The following TTC27 variants were observed in gnomAD, a reference collection of about 807,000 sequenced individuals.
TTC27 encodes tetratricopeptide repeat protein 27.
Under a neutral mutation model 115.9 loss-of-function variants are expected in TTC27, and 79 were observed. The observed-to-expected ratio is 0.68, with a 90% CI of 0.57 to 0.82. The LOEUF (loss-of-function observed/expected upper bound fraction) is 0.82. Ranked by LOEUF, TTC27 falls within the 40% of genes least tolerant of loss-of-function variation. The probability of loss-of-function intolerance (pLI) is 0.00; values close to 1 mark genes in which losing one functional copy is unlikely to be tolerated. For synonymous variants in TTC27, 401 were observed against 356.0 expected, an observed-to-expected ratio of 1.13 and a Z score of -1.42; for missense variants, 1,054 against 993.1, an observed-to-expected ratio of 1.06 and a Z score of -0.82.
chr2:32,661,586 A>G (rs1265029839), intron 5 of TTC27, among the ~76,000 whole-genome samples: 1 of 152,164 alleles, frequency 6.6e-6, no homozygotes, highest in Non-Finnish European at 1.5e-5. Flanking sequence ...TTATTGGTGT[A>G]TAGGAATATG....
In TTC27 at chr2:32,681,080, C is replaced by CA. The variant is rs544143822; in HGVS notation, c.1119+2159dup. Among the ~76,000 whole-genome samples, 29 of 152,230 alleles carry CA rather than the reference C, an allele frequency of 1.9e-4. 1 individual carries two copies. In the South Asian group the frequency reaches 4.8e-3, roughly 25 times the overall value. ...CTGTGTGATTTTTCTGCTTTCCTCC[C>CA]ACCCTCTTACAATCAGAACCATCCT... On this transcript the variant is annotated intron_variant, in intron 9 of 19. Coordinates refer to ENST00000317907, the MANE Select transcript of TTC27 (RefSeq NM_017735.5).
intron 7 of TTC27, among the ~76,000 whole-genome samples, chr2:32,668,536 T>TCCTC (rs1196006269): frequency 1.1e-3 from 49 of 45,978 alleles, no homozygotes; most frequent in African/African-American, 1.5e-3. Context: ...TTTCTTCCCT[T>TCCTC]CCTCCCTCCC....
chr2:32,668,456 G>A (rs1225970291), intron 7 of TTC27, among the ~76,000 whole-genome samples: 1 of 150,488 alleles, frequency 6.6e-6, no homozygotes, highest in African/African-American at 2.4e-5. Flanking sequence ...GTATGAAAAT[G>A]ATGTACCATT....
intron 5 of TTC27, among the ~76,000 whole-genome samples, chr2:32,653,817 G>A (rs1412171779): frequency 6.6e-6 from 1 of 152,132 alleles, no homozygotes; most frequent in Non-Finnish European, 1.5e-5. Flanking sequence ...AAGTGTGGGT[G>A]ACATTTTGAT....
intron 10 of TTC27, among the ~76,000 whole-genome samples, chr2:32,725,073 C>T (rs896854872): frequency 6.6e-6 from 1 of 152,124 alleles, no homozygotes; most frequent in Non-Finnish European, 1.5e-5. Context: ...AAAGAGTTGC[C>T]CCACATGATT....
chr2:32,667,938 C>T (rs1314341606), intron 7 of TTC27, among the ~76,000 whole-genome samples: 1 of 151,442 alleles, frequency 6.6e-6, no homozygotes, highest in Non-Finnish European at 1.5e-5. Flanking sequence ...CCTGTAATCC[C>T]AGCACTTTGG....
intron 10 of TTC27, among the ~76,000 whole-genome samples, chr2:32,712,165 T>A (rs1439971724): frequency 6.6e-6 from 1 of 152,172 alleles, no homozygotes; most frequent in African/African-American, 2.4e-5. Flanking sequence ...ATGGCAGATT[T>A]GGAAGAGATC....
At chr2:32,718,041 T>TG (rs1452238155) in intron 10 of TTC27, among the ~76,000 whole-genome samples, 1 of 152,244 alleles carries the variant, frequency 6.6e-6, no homozygotes, top group Non-Finnish European at 1.5e-5. Flanking sequence ...CATCTCAGGC[T>TG]GGAAGGGCTT....
At chr2:32,678,309 TTTTA>T (rs1219142855) in intron 8 of TTC27, among the ~76,000 whole-genome samples, 3 of 152,058 alleles carry the variant, frequency 2.0e-5, no homozygotes, top group East Asian at 3.9e-4. Context: ...ACCAATCGCA[TTTTA>T]TTTGTCAGCA....
At position 32,652,922 on chromosome 2, in the gene TTC27, G is replaced by A. The variant is rs1002231950; in HGVS notation, c.640+2689G>A. Among the ~76,000 whole-genome samples the A allele has an allele frequency of 1.2e-4, 18 of 152,132 alleles. No individual in the cohort carries two copies. The South Asian group carries it at 1.2e-3, about 11-fold the overall frequency. On this transcript the variant is annotated intron_variant, in intron 5 of 19. Transcript: ENST00000317907. ...ATGATATTTAGGTTTTTGTCCAGGC[G>A]TGTTACACCAGTATAATACAGTGGA...
intron 7 of TTC27, among the ~76,000 whole-genome samples, chr2:32,667,269 T>G (rs1232322307): frequency 6.6e-6 from 1 of 152,106 alleles, no homozygotes; most frequent in Non-Finnish European, 1.5e-5. Flanking sequence ...CTTAGTATGT[T>G]TATTTGACAT....
Position 32,758,315 on chromosome 2 carries a change from G to T in TTC27, c.1476G>T (p.Glu492Asp). Residue 492 changes from glutamate to aspartate, a missense_variant, in exon 13 of 20, where the codon GAG (glutamate) becomes GAT (aspartate). Coordinates refer to ENST00000317907, the MANE Select transcript of TTC27 (RefSeq NM_017735.5). ...HGKAEEILRQ[E>D]LEKKETPSLY... is the part of the protein sequence containing the mutation. ...AGGCAGAAGAAATCCTTAGACAAGA[G>T]CTGGAGAAAAAAGAAACGCCTAGTT... 1 of 1,614,160 alleles carries T rather than the reference G, an allele frequency of 6.2e-7. No homozygotes were observed. The highest frequency in any genetic ancestry group is 8.5e-7 in the Non-Finnish European group (1 of 1,180,038).
At chr2:32,709,445 T>G (rs1572536643) in intron 10 of TTC27, among the ~76,000 whole-genome samples, 1 of 152,354 alleles carries the variant, frequency 6.6e-6, no homozygotes, top group Admixed American at 6.5e-5. Flanking sequence ...GTTTTCAGAC[T>G]TTGAAATATT....
At chr2:32,651,842 A>G (rs555581413) in intron 5 of TTC27, among the ~76,000 whole-genome samples, 19 of 152,372 alleles carry the variant, frequency 1.2e-4, no homozygotes, top group Non-Finnish European at 1.9e-4. Context: ...TCAAATAGAG[A>G]TAATAATGAA....
At chr2:32,804,068 T>C (rs1314268287) in intron 16 of TTC27, among the ~76,000 whole-genome samples, 1 of 150,954 alleles carries the variant, frequency 6.6e-6, no homozygotes, top group Non-Finnish European at 1.5e-5. Context: ...ATTTAGTCAA[T>C]AAACATTTGG....
At chr2:32,705,627 T>C (rs1311769989) in intron 10 of TTC27, among the ~76,000 whole-genome samples, 2 of 152,178 alleles carry the variant, frequency 1.3e-5, no homozygotes, top group Non-Finnish European at 1.5e-5. Context: ...CATTGCTCTC[T>C]GCAGCCTTTG....
At chr2:32,629,361 C>G (rs1363971170) in intron 1 of TTC27, among the ~76,000 whole-genome samples, 1 of 150,138 alleles carries the variant, frequency 6.7e-6, no homozygotes, top group African/African-American at 2.5e-5. Context: ...CTCAGGTGAT[C>G]CACCCGCCTC....
intron 16 of TTC27, among the ~76,000 whole-genome samples, chr2:32,791,165 GT>G (rs767473966): frequency 1.3e-5 from 2 of 152,092 alleles, no homozygotes; most frequent in Non-Finnish European, 2.9e-5. Context: ...CAGTTTTCCA[GT>G]TTTTGACTAT....
At chr2:32,698,643 C>G (rs958726970) in intron 9 of TTC27, among the ~76,000 whole-genome samples, 2 of 151,734 alleles carry the variant, frequency 1.3e-5, no homozygotes, top group African/African-American at 4.8e-5. Context: ...CCACGCCTGG[C>G]TAATTTTTTT....
Sources: allele counts gnomAD v4.1 joint callset (sites outside exome capture counted in the v4.1 genomes callset), GRCh38; gene constraint gnomAD v4.1.1; transcripts MANE v1.5; gene names NCBI Gene and HGNC (gene_info 2026-07-23, HGNC 2026-07-21).